Variants in CHRNA3 observed in about 807,000 individuals in gnomAD.
CHRNA3 encodes the protein neuronal acetylcholine receptor subunit alpha-3.
In CHRNA3, 34 loss-of-function variants were observed where a neutral mutation model predicts 41.9. The ratio of observed to expected loss-of-function variants is 0.81; its 90% CI spans 0.62 to 1.08. The LOEUF is 1.08. CHRNA3 is among the 50% of genes least tolerant of loss of function. The pLI is 0.00. For missense variants in CHRNA3, 542 were observed against 638.3 expected, an observed-to-expected ratio of 0.85 and a Z score of 1.63; for synonymous variants, 281 against 265.2, an observed-to-expected ratio of 1.06 and a Z score of -0.58.
chr15:78,620,709 G>A lies in CHRNA3; in HGVS notation c.82+4C>T, dbSNP rs749844610. The A allele has an allele frequency of 2.5e-5, 37 of 1,500,458 alleles. No individual in the cohort carries two copies. Among genetic ancestry groups the A allele is most frequent in the Admixed American group, 2.1e-5 (1 of 48,066 alleles). 92.9% of individuals were successfully genotyped at this position (1,500,458 alleles called of 1,614,324 possible). On this transcript the variant is annotated splice_donor_region_variant and intron_variant, in intron 1 of 5. Transcript: ENST00000326828. ...CTCCGGAGCCCTAACGCCTGTGCGC[G>A]TACCTGGCAGCAGAGACAGCAGCAG...
rs1411481180 is a variant in CHRNA3 at position 78,602,234 on chromosome 15, C to T, written c.408G>A (p.Lys136=). 9 of 1,613,908 alleles carry T rather than the reference C, an allele frequency of 5.6e-6. No homozygotes were observed. The highest frequency in any genetic ancestry group is 7.6e-6 in the Non-Finnish European group (9 of 1,179,856). The change falls in exon 5 of 6, where the codon AAG becomes AAA. Residue 136 remains lysine (K), a synonymous_variant. Coordinates refer to ENST00000326828, the MANE Select transcript of CHRNA3 (RefSeq NM_000743.5). The part of the protein sequence containing the change: ...NAVGDFQVDD[K]TKALLKYTGE... ...CAGTGTACTTGAGTAAGGCTTTGGT[C>T]TTGTCGTCCACCTGGAAATCCCCAA...
At chr15:78,611,824 T>A (rs1229854172) in intron 4 of CHRNA3, among the ~76,000 whole-genome samples, 6 of 152,000 alleles carry the variant, frequency 3.9e-5, no homozygotes, top group Non-Finnish European at 5.9e-5. Flanking sequence ...GAAAACCCCA[T>A]TGTCTCAGCC....
intron 1 of CHRNA3, chr15:78,620,402 C>A: frequency 4.3e-6 from 1 of 230,598 alleles, no homozygotes; most frequent in Non-Finnish European, 8.6e-6. Context: ...CGCGGGGACG[C>A]GAATCCCCAA....
At position 78,595,367 on chromosome 15, in the gene CHRNA3, G is replaced by GTGTC; in HGVS notation, c.*1236_*1237insGACA. On this transcript the variant is annotated 3_prime_UTR_variant, in exon 6 of 6. Transcript: ENST00000326828. The stretch of plus-strand genomic sequence containing the variant: ...AAACTAGTGAGACAAGATTCAAACA[G>GTGTC]TCTCTGTGAATCATCTGTCAGTGGT... 2 of 982,604 alleles carry GTGTC rather than the reference G, an allele frequency of 2.0e-6. No individual in the cohort carries two copies. The highest frequency in any genetic ancestry group is 2.4e-6 in the Non-Finnish European group (2 of 827,768). The allele number at this position is 982,604 out of a possible 1,614,324, so 60.9% of individuals were successfully genotyped here. A position where few individuals can be genotyped will look rare whatever the true frequency, so the allele number is the denominator to read the frequency against.
At chr15:78,603,104 C>T (rs1037700657) in intron 4 of CHRNA3, among the ~76,000 whole-genome samples, 1 of 152,176 alleles carries the variant, frequency 6.6e-6, no homozygotes, top group Non-Finnish European at 1.5e-5. Flanking sequence ...ATCTCTGTCT[C>T]CCGGGGTTCA....
intron 4 of CHRNA3, among the ~76,000 whole-genome samples, chr15:78,603,756 A>C (rs114669657): frequency 6.6e-6 from 1 of 152,018 alleles, no homozygotes; most frequent in Non-Finnish European, 1.5e-5. Flanking sequence ...GCCACTAACT[A>C]TCTTTCCTCT....
intron 1 of CHRNA3, chr15:78,619,189 G>A: frequency 2.0e-6 from 1 of 512,012 alleles, no homozygotes. Context: ...TGCAAATCCT[G>A]ACAAATCACT....
chr15:78,596,948 T>C (rs988315689), intron 5 of CHRNA3, among the ~76,000 whole-genome samples: 3 of 152,204 alleles, frequency 2.0e-5, no homozygotes, highest in African/African-American at 4.8e-5. Flanking sequence ...AGATCTGTCA[T>C]GTTAGATCTG....
In CHRNA3 at chr15:78,601,340, G is replaced by A; in HGVS notation, c.1302C>T (p.Leu434=). 3 of 1,614,198 alleles carry A rather than the reference G, an allele frequency of 1.9e-6. No individual in the cohort carries two copies. Among genetic ancestry groups the A allele is most frequent in the Non-Finnish European group, 2.5e-6 (3 of 1,180,030 alleles). ...SSESVDAVLS[L]SALSPEIKEA... is the part of the protein sequence containing the mutation. ...CTTTGATTTCTGGTGACAAAGCAGAGAGGGACAGCACAGCATCAACAGATT... is the reference window on the plus strand; with the variant it reads ...CTTTGATTTCTGGTGACAAAGCAGAAAGGGACAGCACAGCATCAACAGATT... Residue 434 remains leucine, a synonymous_variant, in exon 5 of 6, where the codon CTC becomes CTT. Transcript: ENST00000326828.
chr15:78,616,769 G>C (rs2053468604), intron 4 of CHRNA3, among the ~76,000 whole-genome samples: 1 of 152,120 alleles, frequency 6.6e-6, no homozygotes, highest in South Asian at 2.1e-4. Flanking sequence ...ATTCTTCCTT[G>C]AAACTTTCCC....
chr15:78,612,015 T>C (rs2053387507), intron 4 of CHRNA3, among the ~76,000 whole-genome samples: 1 of 152,162 alleles, frequency 6.6e-6, no homozygotes, highest in Admixed American at 6.5e-5. Flanking sequence ...AAGAGGGATG[T>C]GAAGGACCTC....
chr15:78,606,231 CAGA>C (rs1462560706), intron 4 of CHRNA3, among the ~76,000 whole-genome samples: 1 of 149,660 alleles, frequency 6.7e-6, no homozygotes, highest in East Asian at 2.0e-4. Context: ...GAGGCTGAGG[CAGA>C]AGAATTGCTT....
chr15:78,610,082 C>T (rs1287300054), intron 4 of CHRNA3, among the ~76,000 whole-genome samples: 1 of 152,120 alleles, frequency 6.6e-6, no homozygotes, highest in Admixed American at 6.6e-5. Flanking sequence ...TAAAGCAAGT[C>T]CTTAGAGACC....
chr15:78,605,666 G>A (rs2053273008), intron 4 of CHRNA3, among the ~76,000 whole-genome samples: 1 of 152,176 alleles, frequency 6.6e-6, no homozygotes, highest in Non-Finnish European at 1.5e-5. Context: ...GGCTCTTGAG[G>A]ATGTCAGAAA....
chr15:78,610,680 G>A (rs2053366845), intron 4 of CHRNA3, among the ~76,000 whole-genome samples: 2 of 151,238 alleles, frequency 1.3e-5, no homozygotes, highest in Non-Finnish European at 3.0e-5. Flanking sequence ...AAAAGCAAGA[G>A]CAAACACATT....
chr15:78,605,827 G>A (rs1194163153), intron 4 of CHRNA3, among the ~76,000 whole-genome samples: 3 of 152,236 alleles, frequency 2.0e-5, no homozygotes, highest in Admixed American at 6.5e-5. Context: ...GCAGCAGCTC[G>A]TGGAGATGCC....
chr15:78,614,914 T>C (rs905725150), intron 4 of CHRNA3, among the ~76,000 whole-genome samples: 1 of 152,136 alleles, frequency 6.6e-6, no homozygotes, highest in African/African-American at 2.4e-5. Context: ...GGAGGTGCTA[T>C]GATGAGCAGG....
intron 4 of CHRNA3, among the ~76,000 whole-genome samples, chr15:78,602,496 G>A (rs947142679): frequency 6.6e-6 from 1 of 152,120 alleles, no homozygotes; most frequent in Non-Finnish European, 1.5e-5. Context: ...CCTGCCCCAG[G>A]GCAGGCCACC....
chr15:78,618,582 C>T (rs201554923), intron 3 of CHRNA3, 35 bp downstream of exon 3: 1 of 1,613,368 alleles, frequency 6.2e-7, no homozygotes, highest in South Asian at 1.1e-5. Flanking sequence ...CAGTCACCAC[C>T]AGGGGGCAGC....
Sources: allele counts gnomAD v4.1 joint callset (sites outside exome capture counted in the v4.1 genomes callset), GRCh38; gene constraint gnomAD v4.1.1; transcripts MANE v1.5; gene names NCBI Gene and HGNC (gene_info 2026-07-23, HGNC 2026-07-21).